ACER3: variants seen among roughly 807,000 people sequenced by gnomAD.
ACER3 encodes the protein alkaline ceramidase 3.
ACER3 carries 16 observed loss-of-function variants against 48.9 expected under a neutral mutation model. The observed-to-expected ratio is 0.33, with a 90% CI of 0.22 to 0.50. ACER3 has a LOEUF of 0.50. ACER3 is among the 20% of genes least tolerant of loss of function. The pLI, the probability that ACER3 is intolerant of heterozygous loss-of-function variation, is 0.98. For missense variants in ACER3, 227 were observed against 326.0 expected, an observed-to-expected ratio of 0.70 and a Z score of 2.34; for synonymous variants, 109 against 107.8, an observed-to-expected ratio of 1.01 and a Z score of -0.07.
At chr11:76,984,746 C>G (rs1398195119) in intron 4 of ACER3, among the ~76,000 whole-genome samples, 1 of 152,222 alleles carries the variant, frequency 6.6e-6, no homozygotes, top group Non-Finnish European at 1.5e-5. Flanking sequence ...CTACTATTTT[C>G]TCCAATAATA....
chr11:76,946,985 C>T (rs555864513), intron 2 of ACER3, among the ~76,000 whole-genome samples: 1 of 152,308 alleles, frequency 6.6e-6, no homozygotes, highest in East Asian at 1.9e-4. Context: ...CCAGGACCCT[C>T]CCCAGGCTTT....
At chr11:76,909,266 A>C (rs897413985) in intron 1 of ACER3, among the ~76,000 whole-genome samples, 1 of 152,236 alleles carries the variant, frequency 6.6e-6, no homozygotes, top group Non-Finnish European at 1.5e-5. Context: ...GCCAAAATTG[A>C]CAAATGGGAT....
intron 2 of ACER3, among the ~76,000 whole-genome samples, chr11:76,937,758 T>C (rs183867218): frequency 5.9e-5 from 9 of 152,238 alleles, no homozygotes; most frequent in Non-Finnish European, 1.2e-4. Flanking sequence ...CACTTCTGAG[T>C]ATGTATGTTT....
intron 2 of ACER3, chr11:76,955,390 G>GTAACAAAA (rs1947812262): frequency 6.6e-6 from 1 of 152,190 alleles, no homozygotes; most frequent in Non-Finnish European, 1.5e-5. Context: ...TCAGGCTGCC[G>GTAACAAAA]TAACAAAATA....
At chr11:76,913,926 C>T (rs1946454444) in intron 1 of ACER3, among the ~76,000 whole-genome samples, 2 of 152,086 alleles carry the variant, frequency 1.3e-5, no homozygotes, top group Admixed American at 1.3e-4. Context: ...TTTGACAAAC[C>T]TGACAAAAAC....
intron 4 of ACER3, among the ~76,000 whole-genome samples, chr11:76,983,947 A>G (rs1335279169): frequency 6.6e-6 from 1 of 151,926 alleles, no homozygotes; most frequent in African/African-American, 2.4e-5. Flanking sequence ...TACACCTGCA[A>G]CGACTAATTT....
intron 1 of ACER3, 94 bp downstream of exon 1, chr11:76,861,173 G>C (rs1459926571): frequency 1.6e-6 from 2 of 1,270,898 alleles, no homozygotes; most frequent in East Asian, 5.8e-5. Flanking sequence ...TGGCCGCGAA[G>C]GGAGGTGCCA....
At chr11:76,902,901 T>C (rs1428770517) in intron 1 of ACER3, among the ~76,000 whole-genome samples, 2 of 152,242 alleles carry the variant, frequency 1.3e-5, no homozygotes, top group Non-Finnish European at 2.9e-5. Context: ...CTTATGCAGT[T>C]ATCATTTAAT....
intron 2 of ACER3, among the ~76,000 whole-genome samples, chr11:76,955,236 C>T (rs1321545555): frequency 6.6e-6 from 1 of 152,148 alleles, no homozygotes; most frequent in African/African-American, 2.4e-5. Context: ...CCAGAAATCT[C>T]ACTCCAAAGT....
At chr11:76,969,971 A>G (rs1382424863) in intron 3 of ACER3, among the ~76,000 whole-genome samples, 2 of 151,796 alleles carry the variant, frequency 1.3e-5, no homozygotes, top group Non-Finnish European at 2.9e-5. Context: ...AAAAAAAGAA[A>G]CCTGTTTAAT....
chr11:76,970,242 C>T (rs1334373705), intron 3 of ACER3, among the ~76,000 whole-genome samples: 1 of 152,094 alleles, frequency 6.6e-6, no homozygotes, highest in Admixed American at 6.6e-5. Flanking sequence ...TCCCCTTGGC[C>T]AAGAGGGGTT....
intron 1 of ACER3, among the ~76,000 whole-genome samples, chr11:76,887,669 T>C (rs987491804): frequency 3.9e-5 from 6 of 152,160 alleles, no homozygotes; most frequent in African/African-American, 1.4e-4. Flanking sequence ...AGAAAAGTGC[T>C]ACCATTCAGA....
At chr11:76,987,246 G>C (rs1199679196) in intron 5 of ACER3, among the ~76,000 whole-genome samples, 1 of 152,186 alleles carries the variant, frequency 6.6e-6, no homozygotes, top group Non-Finnish European at 1.5e-5. Flanking sequence ...TCAGGTGAAA[G>C]TAATATAGCT....
chr11:76,939,904 C>T (rs973236414), intron 2 of ACER3, among the ~76,000 whole-genome samples: 10 of 152,194 alleles, frequency 6.6e-5, no homozygotes, highest in African/African-American at 2.2e-4. Context: ...GGGGAAGAAG[C>T]TCTACAGGGA....
chr11:76,906,181 CA>C (rs1946228579), intron 1 of ACER3, among the ~76,000 whole-genome samples: 1 of 152,136 alleles, frequency 6.6e-6, no homozygotes, highest in Non-Finnish European at 1.5e-5. Flanking sequence ...CCTGCTTGTT[CA>C]GGGGCTGAAA....
intron 6 of ACER3, among the ~76,000 whole-genome samples, chr11:76,997,743 C>A (rs1269517423): frequency 6.6e-6 from 1 of 152,114 alleles, no homozygotes; most frequent in Admixed American, 6.6e-5. Flanking sequence ...GAGGCTGAGG[C>A]AAGAGGATGG....
chr11:76,892,928 G>A (rs567575944), intron 1 of ACER3, among the ~76,000 whole-genome samples: 33 of 152,080 alleles, frequency 2.2e-4, no homozygotes, highest in African/African-American at 2.7e-4. Flanking sequence ...AGACTCTACC[G>A]AAAGCCTTTT....
At chr11:76,934,473 G>T (rs756795601) in intron 2 of ACER3, among the ~76,000 whole-genome samples, 1 of 152,250 alleles carries the variant, frequency 6.6e-6, no homozygotes, top group Non-Finnish European at 1.5e-5. Flanking sequence ...ATCACTTGTG[G>T]CTAGGAGCTG....
At chr11:76,946,084 A>T (rs1336873471) in intron 2 of ACER3, among the ~76,000 whole-genome samples, 4 of 152,180 alleles carry the variant, frequency 2.6e-5, no homozygotes, top group Admixed American at 2.6e-4. Context: ...GGTGCGTAGC[A>T]TGGGCAAGTG....
Sources: gnomAD v4.1 joint callset for allele counts (sites outside exome capture counted in the v4.1 genomes callset) on GRCh38, gnomAD v4.1.1 for gene constraint, MANE v1.5 for transcripts, NCBI Gene and HGNC (gene_info 2026-07-23, HGNC 2026-07-21) for gene names.